SVIL: variants seen among roughly 807,000 people sequenced by gnomAD.
The protein encoded by SVIL is archvillin.
SVIL carries 101 observed loss-of-function variants against 240.4 expected under a neutral mutation model. The ratio of observed to expected loss-of-function variants is 0.42; its 90% CI spans 0.36 to 0.50. The LOEUF is 0.50. Ranked by LOEUF, SVIL falls within the 20% of genes least tolerant of loss-of-function variation. The pLI is 0.01. For synonymous variants in SVIL, 999 were observed against 1,100.0 expected, an observed-to-expected ratio of 0.91 and a Z score of 1.82; for missense variants, 2,512 against 2,818.7, an observed-to-expected ratio of 0.89 and a Z score of 2.46.
intron 5 of SVIL, 87 bp downstream of exon 5, chr10:29,554,696 C>T: frequency 7.1e-7 from 1 of 1,408,916 alleles, no homozygotes; most frequent in Non-Finnish European, 9.3e-7. Flanking sequence ...TGGAATATCT[C>T]ATGTTCTGAT....
intron 1 of SVIL, among the ~76,000 whole-genome samples, chr10:29,726,628 T>G (rs905614064): frequency 5.3e-5 from 8 of 152,074 alleles, no homozygotes; most frequent in Non-Finnish European, 8.8e-5. Context: ...GTGCCTGTAA[T>G]CCCAGCTACT....
At chr10:29,565,306 G>A (rs1380440463) in intron 2 of SVIL, among the ~76,000 whole-genome samples, 1 of 152,122 alleles carries the variant, frequency 6.6e-6, no homozygotes, top group Non-Finnish European at 1.5e-5. Context: ...AGTCATCACC[G>A]GACACTCCCT....
At chr10:29,657,236 C>T (rs2133028010) in intron 3 of SVIL, among the ~76,000 whole-genome samples, 1 of 152,294 alleles carries the variant, frequency 6.6e-6, no homozygotes, top group Middle Eastern at 3.4e-3. Context: ...GCATCCCTAG[C>T]ATCTAACACC....
chr10:29,532,007 C>T lies in SVIL; in HGVS notation c.2004G>A (p.Ser668=), dbSNP rs781483012. Residue 668 remains serine (S), a synonymous_variant, in exon 9 of 38, where the codon TCG becomes TCA. Transcript: ENST00000355867. ...CTGCGCATACGCATGCCTACCTATC[C>T]GATTCCTTTCGTTCTGCTGAAGTTA... ...QPITSAERKE[S]DRCTSHSETP... is the part of the protein sequence containing the mutation. 112 of 1,614,048 alleles carry T rather than the reference C, an allele frequency of 6.9e-5. No individual in the cohort carries two copies. Among genetic ancestry groups the T allele is most frequent in the Non-Finnish European group, 8.9e-5 (105 of 1,180,010 alleles).
intron 1 of SVIL, among the ~76,000 whole-genome samples, chr10:29,630,977 C>T (rs574302298): frequency 1.2e-4 from 18 of 152,256 alleles, no homozygotes; most frequent in African/African-American, 4.3e-4. Flanking sequence ...TACCCTGCTG[C>T]CAAGGAAAGG....
chr10:29,522,420 TA>T lies in SVIL; in HGVS notation c.3378del (p.Ile1127LeufsTer8). Reference protein sequence around the residue: ...GLLDSPSKTMSIKERLALLKK... With the variant: ...GLLDSPSKTMXIKERLALLKK... ...ACCGAATCTCATTACCTTTCTTTAA[TA>T]GACATGGTTTTGCTGGGTGAGTCAA... On this transcript the variant is annotated frameshift_variant, in exon 16 of 38. Coordinates refer to ENST00000355867, the MANE Select transcript of SVIL (RefSeq NM_021738.3). LOFTEE classifies it high-confidence loss of function. 1.9e-6 allele frequency: 3 copies of T among 1,614,190 alleles called. No individual in the cohort carries two copies.
intron 13 of SVIL, 124 bp from the exon 14 acceptor site, chr10:29,524,839 G>T (rs953229791): frequency 1.4e-6 from 2 of 1,458,312 alleles, no homozygotes; most frequent in South Asian, 2.7e-5. Context: ...CCCTAAGCAC[G>T]TCTAGGACAG....
chr10:29,635,748 T>C (rs1042893147), upstream of SVIL, among the ~76,000 whole-genome samples: 1 of 152,204 alleles, frequency 6.6e-6, no homozygotes, highest in African/African-American at 2.4e-5. Context: ...CTTACAATTG[T>C]AGGTCTCTGT....
At chr10:29,578,206 A>G (rs557596771) in intron 1 of SVIL, among the ~76,000 whole-genome samples, 2 of 152,292 alleles carry the variant, frequency 1.3e-5, no homozygotes, top group Non-Finnish European at 2.9e-5. Flanking sequence ...TTCTCTCACA[A>G]CTCAGAGATA....
At chr10:29,706,204 T>A (rs1032394911) in intron 1 of SVIL, among the ~76,000 whole-genome samples, 1 of 152,220 alleles carries the variant, frequency 6.6e-6, no homozygotes, top group Non-Finnish European at 1.5e-5. Context: ...CAAATGGTAT[T>A]TCTGGTTCTA....
In SVIL at chr10:29,569,050, A is replaced by G. The variant is rs1251979071; in HGVS notation, c.-143+205T>C. On this transcript the variant is annotated intron_variant, in intron 2 of 37. Coordinates refer to ENST00000355867, the MANE Select transcript of SVIL (RefSeq NM_021738.3). Reference sequence around the variant, plus strand: ...TTAAAAGTTTGCAATGACAAGAGACAGCAAGATTCTGTTCTCCAAATAGTT... The same window carrying G: ...TTAAAAGTTTGCAATGACAAGAGACGGCAAGATTCTGTTCTCCAAATAGTT... Among the ~76,000 whole-genome samples, 3 of 152,264 alleles carry G rather than the reference A, an allele frequency of 2.0e-5. No homozygotes were observed. In the East Asian group the frequency reaches 5.8e-4, roughly 29 times the overall value.
chr10:29,702,175 C>CAAAAAAAAA (rs60338711), intron 1 of SVIL, among the ~76,000 whole-genome samples: 25 of 61,596 alleles, frequency 4.1e-4, no homozygotes, highest in Admixed American at 6.6e-4. Flanking sequence ...ACTCCATCTC[C>CAAAAAAAAA]AAAAAAAAAA....
At chr10:29,624,166 C>A (rs371320764) in intron 1 of SVIL, among the ~76,000 whole-genome samples, 1,238 of 135,412 alleles carry the variant, frequency 9.1e-3, no homozygotes, top group Non-Finnish European at 9.5e-3. Context: ...AATGAGCTTT[C>A]AAAAAAAAAA....
intron 16 of SVIL, among the ~76,000 whole-genome samples, chr10:29,516,360 A>C (rs1950198491): frequency 6.6e-6 from 1 of 152,222 alleles, no homozygotes; most frequent in African/African-American, 2.4e-5. Flanking sequence ...CCTACGGAGC[A>C]CATGACGAAT....
Position 29,458,190 on chromosome 10 carries a change from C to T in SVIL, c.*57G>A, listed in dbSNP as rs1943771227. On this transcript the variant is annotated 3_prime_UTR_variant, in exon 38 of 38. Coordinates refer to ENST00000355867, the MANE Select transcript of SVIL (RefSeq NM_021738.3). ...CCAGTCCAAAAATATATATCCATTTCCCTGGTGCAGTGGTGTTGTTGGACG... is the reference window on the plus strand; with the variant it reads ...CCAGTCCAAAAATATATATCCATTTTCCTGGTGCAGTGGTGTTGTTGGACG... 3 of 1,519,184 alleles carry T rather than the reference C, an allele frequency of 2.0e-6. No individual in the cohort carries two copies. The Admixed American group carries it at 5.8e-5, about 29-fold the overall frequency. 94.1% of individuals were successfully genotyped at this position (1,519,184 alleles called of 1,614,324 possible).
chr10:29,648,670 C>G lies in SVIL; in HGVS notation c.-201+9299G>C, dbSNP rs191225094. ...CAAGAAATCAAAGTGCCCTTTAGCA[C>G]GGCCCTGTGGCCAAGAAAGCCCTGC... On this transcript the variant is annotated intron_variant, in intron 3 of 35. Transcript: ENST00000375400. Among the ~76,000 whole-genome samples, 18 of 152,290 alleles carry G rather than the reference C, an allele frequency of 1.2e-4. No individual in the cohort carries two copies. The East Asian group carries it at 3.1e-3, about 26-fold the overall frequency.
intron 1 of SVIL, among the ~76,000 whole-genome samples, chr10:29,585,128 G>A (rs1488782866): frequency 1.3e-5 from 2 of 150,814 alleles, no homozygotes; most frequent in Non-Finnish European, 3.0e-5. Context: ...TGTTGGCCAG[G>A]CTGGAGTGCA....
At chr10:29,498,104 A>AG (rs1170333245) in intron 18 of SVIL, among the ~76,000 whole-genome samples, 141 of 139,222 alleles carry the variant, frequency 1.0e-3, no homozygotes, top group Non-Finnish European at 1.7e-3. Flanking sequence ...AAAAAAAAAA[A>AG]AAAAAAAAAA....
chr10:29,558,927 C>T (rs1002315404), intron 3 of SVIL, among the ~76,000 whole-genome samples: 33 of 118,480 alleles, frequency 2.8e-4, no homozygotes, highest in African/African-American at 1.3e-3. Flanking sequence ...GATTCTGCCT[C>T]GAAATATATA....
Sources: gnomAD v4.1 joint callset for allele counts (sites outside exome capture counted in the v4.1 genomes callset) on GRCh38, gnomAD v4.1.1 for gene constraint, MANE v1.5 for transcripts, NCBI Gene and HGNC (gene_info 2026-07-23, HGNC 2026-07-21) for gene names.